SRD5A3: variants seen among roughly 807,000 people sequenced by gnomAD.
SRD5A3 encodes the protein steroid 5 alpha-reductase 3.
Under a neutral mutation model 34.3 loss-of-function variants are expected in SRD5A3, and 24 were observed. The observed-to-expected ratio is 0.70, with a 90% CI of 0.51 to 0.99. SRD5A3 has a LOEUF of 0.99. SRD5A3 is among the 50% of genes least tolerant of loss of function. SRD5A3 has a pLI of 0.00. For synonymous variants in SRD5A3, 161 were observed against 167.3 expected (o/e 0.96, Z 0.29); for missense variants, 350 against 388.2 (o/e 0.90, Z 0.83).
At chr4:55,350,378 A>G (rs749402182) in intron 1 of SRD5A3, among the ~76,000 whole-genome samples, 1 of 152,204 alleles carries the variant, frequency 6.6e-6, no homozygotes, top group Non-Finnish European at 1.5e-5. Flanking sequence ...TCAAAAAGAA[A>G]GAAATATACG....
rs73149734 is a variant in SRD5A3 at position 55,351,924 on chromosome 4, T to C, written c.221+5367T>C. ...CTTAGGGATTCTTCTTTTAAGGTCC[T>C]GGTCAACTGTGGCCACAATATAAAA... On this transcript the variant is annotated intron_variant, in intron 1 of 4. Coordinates refer to ENST00000264228, the MANE Select transcript of SRD5A3 (RefSeq NM_024592.5). 4.3e-3 allele frequency: 3,019 copies of C among 699,940 alleles called. 63 individuals are homozygous for C. In the African/African-American group the frequency reaches 0.047, roughly 11 times the overall value. 43.4% of individuals were successfully genotyped at this position (699,940 alleles called of 1,614,324 possible). A position where few individuals can be genotyped will look rare whatever the true frequency, so the allele number is the denominator to read the frequency against.
chr4:55,369,729 T>TA (rs1720048797), intron 4 of SRD5A3, 103 bp from the exon 5 acceptor site: 1 of 1,268,706 alleles, frequency 7.9e-7, no homozygotes, highest in Admixed American at 2.0e-5. Context: ...AGACTTTGCC[T>TA]CAAAAAAAAA....
intron 1 of SRD5A3, chr4:55,358,906 G>T (rs1719572943): frequency 5.4e-6 from 1 of 184,034 alleles, no homozygotes; most frequent in East Asian, 1.4e-4. Flanking sequence ...TGCAAATCAT[G>T]TGTAACAGTT....
intron 1 of SRD5A3, chr4:55,351,921 T>A: frequency 4.3e-6 from 3 of 695,594 alleles, no homozygotes; most frequent in Non-Finnish European, 8.2e-6. Flanking sequence ...TCTTTTAAGG[T>A]CCTGGTCAAC....
chr4:55,371,617 G>A lies in SRD5A3; in HGVS notation c.*1526G>A, dbSNP rs1720128421. ...TCAATCATTCCCACCCCCATCCCTG[G>A]AGCTGTAACCCAAAACTGTTAAACT... On this transcript the variant is annotated 3_prime_UTR_variant, in exon 5 of 5. Coordinates refer to ENST00000264228, the MANE Select transcript of SRD5A3 (RefSeq NM_024592.5). The A allele has an allele frequency of 6.6e-6, 1 of 152,068 alleles. No individual in the cohort carries two copies. Among genetic ancestry groups the A allele is most frequent in the African/African-American group, 2.4e-5 (1 of 41,404 alleles). 9.4% of individuals were successfully genotyped at this position (152,068 alleles called of 1,614,324 possible). A position where few individuals can be genotyped will look rare whatever the true frequency, so the allele number is the denominator to read the frequency against.
Position 55,346,481 on chromosome 4 carries a change from C to T in SRD5A3, c.145C>T (p.Leu49=), listed in dbSNP as rs1413694172. Residue 49 remains leucine (L), a synonymous_variant, in exon 1 of 5, where the codon CTG becomes TTG. Transcript: ENST00000264228. ...CCCGGGCTGCGCGATCTTCCAGGAC[C>T]TGATCCGCTATGGGAAAACCAAGTG... ...LLPGCAIFQD[L]IRYGKTKCGE... 1.2e-6 allele frequency: 2 copies of T among 1,606,046 alleles called. No individual in the cohort carries two copies. The highest frequency in any genetic ancestry group is 1.7e-6 in the Non-Finnish European group (2 of 1,176,902).
At chr4:55,355,044 G>A (rs1398714236) in intron 1 of SRD5A3, among the ~76,000 whole-genome samples, 1 of 152,218 alleles carries the variant, frequency 6.6e-6, no homozygotes, top group Admixed American at 6.5e-5. Context: ...TAAGCAAAGT[G>A]CCAAAGGAGG....
chr4:55,362,039 G>C (rs1210906726), intron 2 of SRD5A3, among the ~76,000 whole-genome samples: 1 of 152,100 alleles, frequency 6.6e-6, no homozygotes, highest in Non-Finnish European at 1.5e-5. Context: ...AACAGTCAAA[G>C]CTAATCTGTG....
In SRD5A3 at chr4:55,346,283, G is replaced by T; in HGVS notation, c.-54G>T. On this transcript the variant is annotated 5_prime_UTR_variant, in exon 1 of 5. Transcript: ENST00000264228. ...GCCGCGCGCTAGTGGCCGCTCTTCC[G>T]CGGGCTAGCGGGCGGTGGGGGCGCC... The T allele has an allele frequency of 7.4e-7, 1 of 1,347,288 alleles. No individual in the cohort carries two copies. The highest frequency in any genetic ancestry group is 1.8e-5 in the South Asian group (1 of 54,162). The allele number at this position is 1,347,288 out of a possible 1,614,324, so 83.5% of individuals were successfully genotyped here.
At chr4:55,357,801 GCCTCAAGGGAT>G (rs1404635701) in intron 1 of SRD5A3, among the ~76,000 whole-genome samples, 1 of 152,184 alleles carries the variant, frequency 6.6e-6, no homozygotes, top group Non-Finnish European at 1.5e-5. Flanking sequence ...CAAACTCCTG[GCCTCAAGGGAT>G]CCTCTCACCT....
Position 55,372,569 on chromosome 4 carries a change from G to A in SRD5A3, c.*2478G>A, listed in dbSNP as rs1578215542. 1 of 152,342 alleles carries A rather than the reference G, an allele frequency of 6.6e-6. No individual in the cohort carries two copies. The highest frequency in any genetic ancestry group is 1.9e-4 in the East Asian group (1 of 5,186). The allele number at this position is 152,342 out of a possible 1,614,324, so 9.4% of individuals were successfully genotyped here. Reference sequence around the variant, plus strand: ...GAATTGTGCAGTGCTTGCAGCGTCAGAATCAGCACTGTTTTTTGTGTTGGT... The same window carrying A: ...GAATTGTGCAGTGCTTGCAGCGTCAAAATCAGCACTGTTTTTTGTGTTGGT... On this transcript the variant is annotated 3_prime_UTR_variant, in exon 5 of 5. Transcript: ENST00000264228.
chr4:55,356,554 C>T (rs1382918723), intron 1 of SRD5A3, among the ~76,000 whole-genome samples: 2 of 151,592 alleles, frequency 1.3e-5, no homozygotes, highest in African/African-American at 2.4e-5. Flanking sequence ...GCGGCATGAT[C>T]ACCACTTACT....
In SRD5A3 at chr4:55,359,474, C is replaced by T. The variant is rs184819290; in HGVS notation, c.350C>T (p.Ala117Val). The change falls in exon 2 of 5, where the codon GCG becomes GTG. Residue 117 changes from alanine to valine, a missense_variant. Ala to Val is a moderately conservative substitution (Grantham distance 64). Around this residue, in one of 3 missense-constraint regions of SRD5A3, gnomAD observed 159 missense variants for 149.1 expected, o/e 1.07. Transcript: ENST00000264228. ...WLHGLLRILGAAQFQGGELAL... is the reference protein window; with the variant it reads ...WLHGLLRILGVAQFQGGELAL... ...CATGGTTTGCTCAGAATTCTCGGGG[C>T]GGCACAGTTCCAGGGTAAGGACTCC... 12 of 1,613,904 alleles carry T rather than the reference C, an allele frequency of 7.4e-6. No individual in the cohort carries two copies. The highest frequency in any genetic ancestry group is 5.0e-5 in the Admixed American group (3 of 59,972).
In SRD5A3 at chr4:55,356,700, TTTTATTTA is replaced by T. The variant is rs71194543; in HGVS notation, c.222-2626_222-2619del. 5.6e-3 allele frequency among the ~76,000 whole-genome samples: 842 copies of T among 151,486 alleles called. 4 individuals are homozygous for T. Among genetic ancestry groups the T allele is most frequent in the Non-Finnish European group, 8.1e-3 (547 of 67,850 alleles). On this transcript the variant is annotated intron_variant, in intron 1 of 4. Coordinates refer to ENST00000264228, the MANE Select transcript of SRD5A3 (RefSeq NM_024592.5). ...TTATGTTGCTCAGGCTAGAGGGATTTTTTATTTATTTATTTATTTATTTATTTGAGATG... is the reference window on the plus strand; with the variant it reads ...TTATGTTGCTCAGGCTAGAGGGATTTTTTATTTATTTATTTATTTGAGATG...
intron 3 of SRD5A3, chr4:55,364,555 TA>T (rs111821375): frequency 0.013 from 4,247 of 326,902 alleles, no homozygotes; most frequent in South Asian, 0.021. Flanking sequence ...TACTAAAAAT[TA>T]AAAAAAAAAA....
intron 1 of SRD5A3, among the ~76,000 whole-genome samples, chr4:55,354,463 C>T (rs1421315521): frequency 6.6e-6 from 1 of 152,160 alleles, no homozygotes; most frequent in African/African-American, 2.4e-5. Flanking sequence ...GCTTCTAACT[C>T]ACAGTAAAAG....
At chr4:55,351,189 A>G (rs1031665004) in intron 1 of SRD5A3, among the ~76,000 whole-genome samples, 3 of 151,406 alleles carry the variant, frequency 2.0e-5, no homozygotes, top group Non-Finnish European at 4.4e-5. Flanking sequence ...TCTCCTGCCT[A>G]AGCCCCCCAG....
chr4:55,354,886 GTT>G (rs1283274149), intron 1 of SRD5A3, among the ~76,000 whole-genome samples: 39 of 152,378 alleles, frequency 2.6e-4, no homozygotes, highest in Non-Finnish European at 5.3e-4. Flanking sequence ...TGTGTTTGCT[GTT>G]GTATCCCCAG....
intron 1 of SRD5A3, 134 bp from the exon 2 acceptor site, chr4:55,359,212 T>C (rs1032112555): frequency 1.6e-6 from 2 of 1,227,458 alleles, no homozygotes; most frequent in South Asian, 2.4e-5. Flanking sequence ...AGGATTCAGA[T>C]TCTATTAAAA....
Sources: gnomAD v4.1 joint callset for allele counts (sites outside exome capture counted in the v4.1 genomes callset) on GRCh38, gnomAD v4.1.1 for gene constraint, gnomAD v4.1.1 regional missense constraint, MANE v1.5 for transcripts, NCBI Gene and HGNC (gene_info 2026-07-23, HGNC 2026-07-21) for gene names.